GJA1: variants seen among roughly 807,000 people sequenced by gnomAD.
GJA1 encodes the protein gap junction protein alpha 1.
In GJA1, 9 loss-of-function variants were observed where a neutral mutation model predicts 31.0. The observed-to-expected ratio is 0.29, with a 90% CI of 0.17 to 0.51. The LOEUF is 0.51. GJA1 is among the 20% of genes least tolerant of loss of function. The pLI is 0.98. For synonymous variants in GJA1, 186 were observed against 180.1 expected (o/e 1.03, Z -0.26); for missense variants, 278 against 468.8 (o/e 0.59, Z 3.76).
intron 1 of GJA1, among the ~76,000 whole-genome samples, chr6:121,444,348 C>T (rs922717012): frequency 2.0e-5 from 3 of 152,136 alleles, no homozygotes; most frequent in African/African-American, 7.2e-5. Flanking sequence ...TCACACCCAC[C>T]TCCCACTCTT....
At chr6:121,441,009 C>A (rs917609908) in intron 1 of GJA1, among the ~76,000 whole-genome samples, 24 of 152,096 alleles carry the variant, frequency 1.6e-4, no homozygotes, top group African/African-American at 5.8e-4. Context: ...GTGGCGCGAT[C>A]CCGGCTCACT....
chr6:121,443,366 A>G (rs1201094798), intron 1 of GJA1, among the ~76,000 whole-genome samples: 3 of 152,164 alleles, frequency 2.0e-5, no homozygotes, highest in Admixed American at 2.0e-4. Flanking sequence ...GTTACAGGAT[A>G]CTCGGTGTCC....
intron 1 of GJA1, among the ~76,000 whole-genome samples, chr6:121,442,305 T>G (rs1773808117): frequency 6.6e-6 from 1 of 152,246 alleles, no homozygotes; most frequent in Non-Finnish European, 1.5e-5. Flanking sequence ...TGGAAAGACT[T>G]GACTGCAACT....
intron 1 of GJA1, among the ~76,000 whole-genome samples, chr6:121,438,848 A>G (rs1157577513): frequency 6.6e-6 from 1 of 152,170 alleles, no homozygotes; most frequent in Non-Finnish European, 1.5e-5. Context: ...CCTCCATCTA[A>G]AGTCACCTTT....
intron 1 of GJA1, among the ~76,000 whole-genome samples, chr6:121,445,902 T>C (rs368647059): frequency 5.9e-5 from 9 of 152,288 alleles, no homozygotes; most frequent in African/African-American, 2.2e-4. Flanking sequence ...CCCAGGGGCC[T>C]GGGCAACATA....
chr6:121,448,964 T>C lies in GJA1; in HGVS notation c.*968T>C, dbSNP rs111878880. ...TGGATTTTTGTGGTGTGGGCCAATA[T>C]GGTGTTTACATTATATAATTCCTGC... On this transcript the variant is annotated 3_prime_UTR_variant, in exon 2 of 2. Transcript: ENST00000282561. The C allele has an allele frequency of 0.056, 9,362 of 166,550 alleles. 1,008 individuals are homozygous for C. Among genetic ancestry groups the C allele is most frequent in the African/African-American group, 0.22 (8,945 of 41,538 alleles). The allele number at this position is 166,550 out of a possible 1,614,324, so 10.3% of individuals were successfully genotyped here.
At chr6:121,438,833 C>T (rs1301884891) in intron 1 of GJA1, among the ~76,000 whole-genome samples, 1 of 150,944 alleles carries the variant, frequency 6.6e-6, no homozygotes, top group African/African-American at 2.4e-5. Flanking sequence ...GCATAATTGT[C>T]TAAACCTCCA....
chr6:121,444,229 A>C (rs994184685), intron 1 of GJA1, among the ~76,000 whole-genome samples: 5 of 152,136 alleles, frequency 3.3e-5, no homozygotes, highest in Non-Finnish European at 7.3e-5. Context: ...GTTTTCATAC[A>C]TCAATTTCAC....
At chr6:121,438,807 A>G (rs924692996) in intron 1 of GJA1, among the ~76,000 whole-genome samples, 1 of 151,974 alleles carries the variant, frequency 6.6e-6, no homozygotes, top group Non-Finnish European at 1.5e-5. Flanking sequence ...TAATGTATAT[A>G]TTTTTTAAAT....
Position 121,436,137 on chromosome 6 carries a change from T to G in GJA1, c.-17+305T>G, listed in dbSNP as rs183571694. 2.9e-3 allele frequency among the ~76,000 whole-genome samples: 319 copies of G among 111,302 alleles called. 1 individual carries two copies. The highest frequency in any genetic ancestry group is 0.013 in the African/African-American group (307 of 24,216). 73.0% of individuals were successfully genotyped at this position (111,302 alleles called of 152,430 possible). A position where few individuals can be genotyped will look rare whatever the true frequency, so the allele number is the denominator to read the frequency against. The stretch of plus-strand genomic sequence containing the variant: ...CATTTTAGAGTATCATTTTATTTTG[T>G]TTTTTTTTTGTAATCAGTAATAGTC... On this transcript the variant is annotated intron_variant, in intron 1 of 1. Coordinates refer to ENST00000282561, the MANE Select transcript of GJA1 (RefSeq NM_000165.5).
Position 121,447,879 on chromosome 6 carries a change from T to G in GJA1, c.1032T>G (p.Ser344=), listed in dbSNP as rs17852395. Residue 344 remains serine (S), a synonymous_variant, in exon 2 of 2, where the codon TCT becomes TCG. Transcript: ENST00000282561. ...PFDFPDDNQN[S]KKLAAGHELQ... is the part of the protein sequence containing the mutation. The stretch of plus-strand genomic sequence containing the variant: ...ATTTCCCCGATGATAACCAGAATTC[T>G]AAAAAACTAGCTGCTGGACATGAAT... 14 of 1,613,708 alleles carry G rather than the reference T, an allele frequency of 8.7e-6. No individual in the cohort carries two copies.
chr6:121,436,177 T>C (rs1418753504), intron 1 of GJA1, among the ~76,000 whole-genome samples: 1 of 48,706 alleles, frequency 2.1e-5, no homozygotes, highest in Non-Finnish European at 3.4e-5. Context: ...TGCTATCATT[T>C]GTTGGGTGGG....
chr6:121,437,574 G>T (rs1431609643), intron 1 of GJA1, among the ~76,000 whole-genome samples: 1 of 152,032 alleles, frequency 6.6e-6, no homozygotes, highest in African/African-American at 2.4e-5. Context: ...GGGCAAGTCA[G>T]CCTGTTTCCG....
chr6:121,444,904 T>C (rs536546699), intron 1 of GJA1, among the ~76,000 whole-genome samples: 2 of 152,322 alleles, frequency 1.3e-5, no homozygotes, highest in South Asian at 4.1e-4. Context: ...CTGGCTAAGG[T>C]TGTGTATATC....
rs1773923896 is a variant in GJA1, at chr6:121,448,256, G to C, written c.*260G>C. 5.5e-6 allele frequency: 3 copies of C among 542,050 alleles called. No individual in the cohort carries two copies. Among genetic ancestry groups the C allele is most frequent in the Non-Finnish European group, 1.0e-5 (3 of 292,588 alleles). The allele number at this position is 542,050 out of a possible 1,614,324, so 33.6% of individuals were successfully genotyped here. On this transcript the variant is annotated 3_prime_UTR_variant, in exon 2 of 2. Coordinates refer to ENST00000282561, the MANE Select transcript of GJA1 (RefSeq NM_000165.5). ...TTCAAAGAACTTAGATTATAAATAA[G>C]AGTTCCATTAGGTGATACATAGATA...
At chr6:121,437,006 C>T (rs1356104511) in intron 1 of GJA1, among the ~76,000 whole-genome samples, 1 of 152,254 alleles carries the variant, frequency 6.6e-6, no homozygotes, top group East Asian at 1.9e-4. Flanking sequence ...AGATTCTTGA[C>T]GTGACCCTGC....
rs1444061973 is a variant in GJA1, at chr6:121,440,888, C to T, written c.-17+5056C>T. Among the ~76,000 whole-genome samples the T allele has an allele frequency of 6.6e-5, 10 of 151,856 alleles. No homozygotes were observed. In the East Asian group the frequency reaches 1.9e-3, roughly 29 times the overall value. ...TCCAGAGTAGCTGGGATTACAGGCACCCGCCACCACGCCTGGCTACTTTTT... is the reference window on the plus strand; with the variant it reads ...TCCAGAGTAGCTGGGATTACAGGCATCCGCCACCACGCCTGGCTACTTTTT... On this transcript the variant is annotated intron_variant, in intron 1 of 1. Transcript: ENST00000282561.
In GJA1 at chr6:121,448,158, T is replaced by G. The variant is rs1773922339; in HGVS notation, c.*162T>G. The G allele has an allele frequency of 1.4e-6, 1 of 700,694 alleles. No homozygotes were observed. The highest frequency in any genetic ancestry group is 1.8e-5 in the African/African-American group (1 of 57,010). 43.4% of individuals were successfully genotyped at this position (700,694 alleles called of 1,614,324 possible). ...AAGACATTAGAATACCTAGGTTCAC[T>G]GGGGGTGTATGGGGTAGATGGGTGG... On this transcript the variant is annotated 3_prime_UTR_variant, in exon 2 of 2. Transcript: ENST00000282561.
At chr6:121,441,199 G>A (rs186382249) in intron 1 of GJA1, among the ~76,000 whole-genome samples, 11 of 152,028 alleles carry the variant, frequency 7.2e-5, no homozygotes, top group Middle Eastern at 3.4e-3. Context: ...TGATCCGCCC[G>A]CCTCGGCCTC....
Sources: allele counts gnomAD v4.1 joint callset (sites outside exome capture counted in the v4.1 genomes callset), GRCh38; gene constraint gnomAD v4.1.1; transcripts MANE v1.5; gene names NCBI Gene and HGNC (gene_info 2026-07-23, HGNC 2026-07-21).